Variants in PRDM4 observed in about 807,000 individuals in gnomAD.
PRDM4 encodes PR/SET domain 4, also known as PR domain zinc finger protein 4.
In PRDM4, 38 loss-of-function variants were observed where a neutral mutation model predicts 62.3. The ratio of observed to expected loss-of-function variants is 0.61; its 90% confidence interval spans 0.47 to 0.80. The LOEUF is 0.80. PRDM4 is among the 30% of genes least tolerant of loss of function. The probability of loss-of-function intolerance (pLI) is 0.00; values close to 1 mark genes in which losing one functional copy is unlikely to be tolerated. For synonymous variants in PRDM4, 339 were observed against 348.2 expected, an observed-to-expected ratio of 0.97 and a Z score of 0.30; for missense variants, 858 against 997.1, an observed-to-expected ratio of 0.86 and a Z score of 1.88.
rs546038085 is a variant in PRDM4 at position 107,735,756 on chromosome 12, T to C, written c.2094-1234A>G. 5.8e-5 allele frequency among the ~76,000 whole-genome samples: 8 copies of C among 138,326 alleles called. No individual in the cohort carries two copies. In the South Asian group the frequency reaches 1.8e-3, roughly 32 times the overall value. The allele number at this position is 138,326 out of a possible 152,430, so 90.7% of individuals were successfully genotyped here. ...AGAGATCACACAGACCAGGAATTTT[T>C]TAGCTTTTTTTTTTTTTTTGAGTAG... On this transcript the variant is annotated intron_variant, in intron 11 of 11. Transcript: ENST00000228437.
chr12:107,747,634 T>G (rs1593169742), intron 5 of PRDM4, among the ~76,000 whole-genome samples: 1 of 152,206 alleles, frequency 6.6e-6, no homozygotes, highest in South Asian at 2.1e-4. Context: ...CACAAGCTTA[T>G]GAGTGTCCTC....
chr12:107,741,091 T>C lies in PRDM4; in HGVS notation c.1779A>G (p.Ser593=). The change falls in exon 10 of 12, where the codon TCA becomes TCG. Residue 593 remains serine, a synonymous_variant. Coordinates refer to ENST00000228437, the MANE Select transcript of PRDM4 (RefSeq NM_012406.4). ...GAGAGATAAAAGCTTGGGGGCACAT[T>C]GAGCACTTCCACTTCCTTTCTTTGC... ...SHSKERKWKC[S]MCPQAFISPS... is the part of the protein sequence containing the mutation. The C allele has an allele frequency of 6.2e-7, 1 of 1,614,120 alleles. No homozygotes were observed. Among genetic ancestry groups the C allele is most frequent in the Non-Finnish European group, 8.5e-7 (1 of 1,180,028 alleles).
At position 107,741,253 on chromosome 12, in the gene PRDM4, A is replaced by G. The variant is rs768210008; in HGVS notation, c.1617T>C (p.Pro539=). Residue 539 remains proline, a synonymous_variant, in exon 10 of 12, where the codon CCT becomes CCC. Coordinates refer to ENST00000228437, the MANE Select transcript of PRDM4 (RefSeq NM_012406.4). ...TACAGAGATGCACATCTGGGTGTTC[A>G]GGAACACCTTTTAAAAAAAAATTAC... ...SRDYAQQIGV[P]EHPDVHLCNC... 6.2e-7 allele frequency: 1 copy of G among 1,600,820 alleles called. No individual in the cohort carries two copies. The highest frequency in any genetic ancestry group is 1.1e-5 in the South Asian group (1 of 89,956).
At chr12:107,760,412 A>T in intron 2 of PRDM4, 93 bp downstream of exon 2, 1 of 1,527,476 alleles carries the variant, frequency 6.5e-7, no homozygotes, top group Non-Finnish European at 9.0e-7. Flanking sequence ...TAACCTTCTC[A>T]ATGGCACCAA....
intron 3 of PRDM4, among the ~76,000 whole-genome samples, chr12:107,756,308 T>C (rs1891065562): frequency 6.6e-6 from 1 of 152,136 alleles, no homozygotes; most frequent in Admixed American, 6.5e-5. Context: ...GATTTTGCTG[T>C]GTATGGAGGC....
In PRDM4 at chr12:107,743,210, CA is replaced by C. The variant is rs775396913; in HGVS notation, c.1467del (p.Phe489LeufsTer75). 1 of 1,611,810 alleles carries C rather than the reference CA, an allele frequency of 6.2e-7. No homozygotes were observed. Among genetic ancestry groups the C allele is most frequent in the South Asian group, 1.1e-5 (1 of 91,032 alleles). ...TDENECNWMM[F>X]VRKARNREEQ... ...GACTACTCATACCTGGCTTTGCGCACAAACATCATCCAATTACATTCATTTT... is the reference window on the plus strand; with the variant it reads ...GACTACTCATACCTGGCTTTGCGCACAACATCATCCAATTACATTCATTTT... On this transcript the variant is annotated frameshift_variant, in exon 8 of 12. Coordinates refer to ENST00000228437, the MANE Select transcript of PRDM4 (RefSeq NM_012406.4). LOFTEE classifies it high-confidence loss of function.
intron 10 of PRDM4, among the ~76,000 whole-genome samples, chr12:107,740,638 G>A (rs989337676): frequency 1.3e-5 from 2 of 152,098 alleles, no homozygotes; most frequent in African/African-American, 4.8e-5. Context: ...TGGTGACTGG[G>A]GGGTGAGCTC....
At chr12:107,735,689 G>C (rs1410136714) in intron 11 of PRDM4, among the ~76,000 whole-genome samples, 1 of 151,496 alleles carries the variant, frequency 6.6e-6, no homozygotes, top group Non-Finnish European at 1.5e-5. Context: ...GTCAAGGTTT[G>C]AGTAACCCTG....
chr12:107,735,760 C>CT (rs200366774), intron 11 of PRDM4, among the ~76,000 whole-genome samples: 25,673 of 143,342 alleles, frequency 0.18, 3,225 homozygotes, highest in East Asian at 0.56. Flanking sequence ...AATTTTTTAG[C>CT]TTTTTTTTTT....
intron 5 of PRDM4, among the ~76,000 whole-genome samples, chr12:107,750,796 A>G (rs977493764): frequency 1.3e-5 from 2 of 152,170 alleles, no homozygotes; most frequent in Non-Finnish European, 2.9e-5. Context: ...ACTAGAATTT[A>G]CCCCTATAAC....
At chr12:107,737,190 AG>A (rs889855031) in intron 11 of PRDM4, among the ~76,000 whole-genome samples, 6 of 151,804 alleles carry the variant, frequency 4.0e-5, no homozygotes, top group South Asian at 2.1e-4. Context: ...GGGGGACACT[AG>A]GGGGGGAACT....
rs576072101 is a variant in PRDM4, at chr12:107,755,322, T to C, written c.146-1213A>G. On this transcript the variant is annotated intron_variant, in intron 3 of 11. Transcript: ENST00000228437. Reference sequence around the variant, plus strand: ...TATGTTACCTAGGCTGATCTTGAACTCCTGGGCTCAAGTGATCCTCCTGCC... The same window carrying C: ...TATGTTACCTAGGCTGATCTTGAACCCCTGGGCTCAAGTGATCCTCCTGCC... Among the ~76,000 whole-genome samples the C allele has an allele frequency of 6.6e-5, 10 of 152,214 alleles. No homozygotes were observed. The East Asian group carries it at 1.9e-3, about 29-fold the overall frequency.
intron 4 of PRDM4, 76 bp downstream of exon 4, chr12:107,753,848 T>C: frequency 7.3e-7 from 1 of 1,362,194 alleles, no homozygotes; most frequent in South Asian, 1.5e-5. Flanking sequence ...AAAGTGTTAT[T>C]CATATCTTCA....
At chr12:107,754,323 C>T (rs1453333520) in intron 3 of PRDM4, among the ~76,000 whole-genome samples, 2 of 152,126 alleles carry the variant, frequency 1.3e-5, no homozygotes, top group Non-Finnish European at 2.9e-5. Context: ...TAGTTCTAAA[C>T]CGGCAAGTTG....
Position 107,760,602 on chromosome 12 carries a change from A to G in PRDM4, c.-87T>C, listed in dbSNP as rs1344032638. ...TTGCGTTCCAGGGTCACGTGCTACC[A>G]CATCTTGCTCACAACCGCTGCACCG... On this transcript the variant is annotated 5_prime_UTR_variant, in exon 2 of 12. Transcript: ENST00000228437. The G allele has an allele frequency of 5.9e-6, 9 of 1,536,626 alleles. No individual in the cohort carries two copies. The highest frequency in any genetic ancestry group is 8.0e-6 in the Non-Finnish European group (9 of 1,125,934).
Position 107,744,633 on chromosome 12 carries a change from CACA to C in PRDM4, c.1302_1304del (p.Val435del). 6.2e-7 allele frequency: 1 copy of C among 1,613,820 alleles called. No homozygotes were observed. Among genetic ancestry groups the C allele is most frequent in the Non-Finnish European group, 8.5e-7 (1 of 1,179,748 alleles). ...CAATTAGAGGTCCAAAGCAAGTCCGCACAGGAATGGTTTCTCCAGTCCATACAC... is the reference window on the plus strand; with the variant it reads ...CAATTAGAGGTCCAAAGCAAGTCCGCGGAATGGTTTCTCCAGTCCATACAC... On this transcript the variant is annotated inframe_deletion, in exon 7 of 12. Coordinates refer to ENST00000228437, the MANE Select transcript of PRDM4 (RefSeq NM_012406.4).
chr12:107,734,605 CTT>C, intron 11 of PRDM4, 83 bp from the exon 12 acceptor site: 1 of 1,337,386 alleles, frequency 7.5e-7, no homozygotes, highest in South Asian at 1.4e-5. Context: ...AGCCGCAGGC[CTT>C]TGTCAGAGCA....
Position 107,739,697 on chromosome 12 carries a change from T to C in PRDM4, c.1925-146A>G, listed in dbSNP as rs189289197. ...GCATTTTACTTTCTAGGGTTGTCTA[T>C]GTGAGACCACTCAAGAGCTCCTGAG... On this transcript the variant is annotated intron_variant, in intron 10 of 11. Coordinates refer to ENST00000228437, the MANE Select transcript of PRDM4 (RefSeq NM_012406.4). The C allele has an allele frequency of 1.1e-3, 762 of 700,556 alleles. 9 individuals carry two copies. The African/African-American group carries it at 0.011, about 10-fold the overall frequency. 43.4% of individuals were successfully genotyped at this position (700,556 alleles called of 1,614,324 possible).
intron 5 of PRDM4, among the ~76,000 whole-genome samples, chr12:107,747,713 TACTC>T (rs1488605032): frequency 5.3e-5 from 8 of 152,196 alleles, no homozygotes; most frequent in Non-Finnish European, 1.0e-4. Flanking sequence ...ATGATACTAT[TACTC>T]AATCATTACA....
Sources: gnomAD v4.1 joint callset for allele counts (sites outside exome capture counted in the v4.1 genomes callset) on GRCh38, gnomAD v4.1.1 for gene constraint, MANE v1.5 for transcripts, NCBI Gene and HGNC (gene_info 2026-07-23, HGNC 2026-07-21) for gene names.